HIBCH: variants seen among roughly 807,000 people sequenced by gnomAD.
HIBCH encodes the protein 3-hydroxyisobutyryl-CoA hydrolase, mitochondrial.
Under a neutral mutation model 58.2 loss-of-function variants are expected in HIBCH, and 50 were observed. The observed-to-expected ratio is 0.86, with a 90% CI of 0.68 to 1.09. HIBCH has a LOEUF of 1.09. Ranked by LOEUF, HIBCH falls within the 50% of genes least tolerant of loss-of-function variation. The pLI, the probability that HIBCH is intolerant of heterozygous loss-of-function variation, is 0.00. For synonymous variants in HIBCH, 151 were observed against 146.9 expected, an observed-to-expected ratio of 1.03 and a Z score of -0.20; for missense variants, 450 against 449.7, an observed-to-expected ratio of 1.00 and a Z score of -0.01.
intron 2 of HIBCH, 39 bp downstream of exon 2, chr2:190,310,715 C>T (rs760521665): frequency 1.5e-5 from 22 of 1,504,896 alleles, no homozygotes; most frequent in Non-Finnish European, 1.9e-5. Context: ...TTAAGTTACA[C>T]ATACAAATAA....
chr2:190,271,217 ATCAAG>A (rs997243078), intron 6 of HIBCH, among the ~76,000 whole-genome samples: 2 of 149,172 alleles, frequency 1.3e-5, no homozygotes, highest in African/African-American at 2.5e-5. Flanking sequence ...ATCAAAACCC[ATCAAG>A]TCTTCTCCAA....
chr2:190,252,492 C>A (rs1240028409), intron 7 of HIBCH, among the ~76,000 whole-genome samples, 185 bp from the exon 8 acceptor site: 2 of 152,182 alleles, frequency 1.3e-5, no homozygotes, highest in Non-Finnish European at 2.9e-5. Context: ...ACTGTGCTAA[C>A]TTGGGTATTT....
At chr2:190,250,750 A>G (rs1288917023) in intron 8 of HIBCH, among the ~76,000 whole-genome samples, 3 of 152,218 alleles carry the variant, frequency 2.0e-5, no homozygotes, top group African/African-American at 7.2e-5. Context: ...TTACAGAGAC[A>G]ATCTTCAATT....
intron 11 of HIBCH, among the ~76,000 whole-genome samples, chr2:190,228,167 A>G (rs1294191493): frequency 1.3e-5 from 2 of 152,132 alleles, no homozygotes; most frequent in Non-Finnish European, 2.9e-5. Context: ...TCCAACAATG[A>G]TAGACTGGAT....
chr2:190,304,408 T>G lies in HIBCH; in HGVS notation c.78+6346A>C, dbSNP rs1014973893. 6.6e-6 allele frequency among the ~76,000 whole-genome samples: 1 copy of G among 152,182 alleles called. No individual in the cohort carries two copies. Among genetic ancestry groups the G allele is most frequent in the Non-Finnish European group, 1.5e-5 (1 of 68,016 alleles). ...CATCATATGTCAAGGAAGCTAAGCA[T>G]GCTAGCTCAGATCTCTCTTACTTGT... On this transcript the variant is annotated intron_variant, in intron 2 of 13. Coordinates refer to ENST00000359678, the MANE Select transcript of HIBCH (RefSeq NM_014362.4). This position sits in a 1 kb window ranked among gnomAD's most constrained non-coding sequence, Gnocchi z 4.1.
chr2:190,310,925 T>A lies in HIBCH; in HGVS notation c.36-129A>T, dbSNP rs973081473. On this transcript the variant is annotated intron_variant, in intron 1 of 13. Transcript: ENST00000359678. ...ACCAGAACAAAAAGTTTTAAAAGGT[T>A]TAGCTCTCATTCACTGCTGGTAGGA... is the stretch of plus-strand genomic sequence containing the variant. The A allele has an allele frequency of 3.1e-5, 23 of 731,728 alleles. No individual in the cohort carries two copies. The East Asian group carries it at 6.1e-4, about 20-fold the overall frequency. 45.3% of individuals were successfully genotyped at this position (731,728 alleles called of 1,614,324 possible).
chr2:190,227,001 GC>G (rs1685923750), intron 11 of HIBCH, among the ~76,000 whole-genome samples: 3 of 152,122 alleles, frequency 2.0e-5, no homozygotes, highest in Admixed American at 2.0e-4. Context: ...TGGCCATACT[GC>G]CCAAGGTAAT....
chr2:190,225,186 A>G (rs1685851488), intron 11 of HIBCH, among the ~76,000 whole-genome samples: 1 of 152,214 alleles, frequency 6.6e-6, no homozygotes, highest in Admixed American at 6.5e-5. Flanking sequence ...TAAAATTGAC[A>G]CCCTAACATC....
intron 1 of HIBCH, among the ~76,000 whole-genome samples, chr2:190,196,185 C>T (rs565786396): frequency 5.9e-5 from 9 of 152,006 alleles, no homozygotes; most frequent in East Asian, 1.9e-4. Context: ...CTGGGTTAAA[C>T]GTATCTAATT....
At chr2:190,270,584 T>G (rs893225690) in intron 6 of HIBCH, among the ~76,000 whole-genome samples, 1 of 152,130 alleles carries the variant, frequency 6.6e-6, no homozygotes, top group African/African-American at 2.4e-5. Flanking sequence ...TATTAGAGAG[T>G]ATGTGATAGC....
intron 1 of HIBCH, among the ~76,000 whole-genome samples, chr2:190,192,118 A>C (rs1354866599): frequency 6.6e-6 from 1 of 152,116 alleles, no homozygotes; most frequent in Non-Finnish European, 1.5e-5. Flanking sequence ...CTTTTGAGTT[A>C]ATTTTTCTAT....
chr2:190,255,681 C>T (rs1364398845), intron 7 of HIBCH, among the ~76,000 whole-genome samples: 3 of 152,196 alleles, frequency 2.0e-5, no homozygotes, highest in Non-Finnish European at 4.4e-5. Context: ...AGGCCCAGCA[C>T]AGTGCCTCAT....
chr2:190,252,357 A>G (rs1371045571), intron 7 of HIBCH, 50 bp from the exon 8 acceptor site: 1 of 1,500,586 alleles, frequency 6.7e-7, no homozygotes, highest in South Asian at 1.1e-5. Context: ...AATGAAAAAG[A>G]TAAATATAAC....
intron 6 of HIBCH, among the ~76,000 whole-genome samples, chr2:190,287,056 G>GTGTGTGTGTGTT (rs1687848220): frequency 6.7e-6 from 1 of 148,790 alleles, no homozygotes; most frequent in Non-Finnish European, 1.5e-5. Flanking sequence ...GTGTGTGTGT[G>GTGTGTGTGTGTT]TGTATACATA....
At position 190,213,000 on chromosome 2, in the gene HIBCH, G is replaced by C; in HGVS notation, c.967C>G (p.Gln323Glu). ...QLMEGSSKTL[Q>E]EVLTMEYRLS... ...CGATACTCCATAGTTAGTACTTCTT[G>C]CAAGGTCTTTGAAGACCCCTCCATG... is the stretch of plus-strand genomic sequence containing the variant. Residue 323 changes from glutamine (Q) to glutamate (E), a missense_variant, in exon 12 of 14, where the codon CAA (glutamine) becomes GAA (glutamate). By Grantham distance (29) the Gln-to-Glu change is conservative. Transcript: ENST00000359678. 6.2e-7 allele frequency: 1 copy of C among 1,611,288 alleles called. No homozygotes were observed. The highest frequency in any genetic ancestry group is 8.5e-7 in the Non-Finnish European group (1 of 1,178,002).
At chr2:190,298,500 A>T (rs941329893) in intron 2 of HIBCH, among the ~76,000 whole-genome samples, 5 of 152,210 alleles carry the variant, frequency 3.3e-5, no homozygotes, top group Admixed American at 1.3e-4. Flanking sequence ...TCTAATGACC[A>T]GTAATAATGA....
intron 11 of HIBCH, chr2:190,220,292 T>C (rs1414068004): frequency 6.6e-6 from 1 of 152,188 alleles, no homozygotes; most frequent in Non-Finnish European, 1.5e-5. Flanking sequence ...AGACTTTACC[T>C]GAGTTCAAGA....
intron 1 of HIBCH, among the ~76,000 whole-genome samples, chr2:190,317,818 T>C (rs1024222946): frequency 1.3e-5 from 2 of 150,850 alleles, no homozygotes; most frequent in South Asian, 2.1e-4. Flanking sequence ...ATTTTTCTTT[T>C]CCTTTTTTCC....
chr2:190,246,123 G>A (rs751988149), intron 10 of HIBCH, 31 bp downstream of exon 10: 47 of 1,242,486 alleles, frequency 3.8e-5, no homozygotes, highest in Non-Finnish European at 5.2e-5. Flanking sequence ...CTTTCTAAAG[G>A]AATATATAAC....
Sources: allele counts gnomAD v4.1 joint callset (sites outside exome capture counted in the v4.1 genomes callset), GRCh38; gene constraint gnomAD v4.1.1; non-coding constraint Gnocchi (gnomAD v3.1); transcripts MANE v1.5; gene names NCBI Gene and HGNC (gene_info 2026-07-23, HGNC 2026-07-21).